ADARB2: variants seen among roughly 807,000 people sequenced by gnomAD.
The protein encoded by ADARB2 is inactive double-stranded RNA-specific editase B2.
ADARB2 carries 25 observed loss-of-function variants against 62.2 expected under a neutral mutation model. That is an observed-to-expected ratio of 0.40 (90% CI 0.29 to 0.56). The LOEUF is 0.56. ADARB2 is among the 20% of genes least tolerant of loss of function. The pLI, the probability that ADARB2 is intolerant of heterozygous loss-of-function variation, is 0.43. For missense variants in ADARB2, 1,071 were observed against 1,077.4 expected, an observed-to-expected ratio of 0.99 and a Z score of 0.08; for synonymous variants, 572 against 500.8, an observed-to-expected ratio of 1.14 and a Z score of -1.90.
chr10:1,575,773 C>G (rs1374874917), intron 1 of ADARB2, among the ~76,000 whole-genome samples: 2 of 152,174 alleles, frequency 1.3e-5, no homozygotes, highest in Non-Finnish European at 2.9e-5. Context: ...ACCGAGAGAG[C>G]CTGGCGGTTT....
At chr10:1,371,717 G>A (rs1245623474) in intron 2 of ADARB2, among the ~76,000 whole-genome samples, 1 of 151,064 alleles carries the variant, frequency 6.6e-6, no homozygotes, top group African/African-American at 2.4e-5. Flanking sequence ...ACGTCACAGG[G>A]GAAATGCAAA....
At chr10:1,259,760 A>T (rs1831115944) in intron 4 of ADARB2, among the ~76,000 whole-genome samples, 1 of 152,244 alleles carries the variant, frequency 6.6e-6, no homozygotes, top group South Asian at 2.1e-4. Flanking sequence ...AAACTATTCC[A>T]ATCAATAGAA....
chr10:1,451,056 A>T (rs1390628049), intron 1 of ADARB2, among the ~76,000 whole-genome samples: 1 of 152,236 alleles, frequency 6.6e-6, no homozygotes, highest in Non-Finnish European at 1.5e-5. Flanking sequence ...TGTGCCAACA[A>T]AACCTGGAAA....
At chr10:1,509,927 G>A (rs1212864512) in intron 1 of ADARB2, among the ~76,000 whole-genome samples, 1 of 152,152 alleles carries the variant, frequency 6.6e-6, no homozygotes, top group Non-Finnish European at 1.5e-5. Flanking sequence ...TTAAAATTAT[G>A]CTTTAATGCT....
At chr10:1,212,930 C>G (rs1837176427) in intron 7 of ADARB2, among the ~76,000 whole-genome samples, 1 of 152,242 alleles carries the variant, frequency 6.6e-6, no homozygotes, top group Non-Finnish European at 1.5e-5. Flanking sequence ...GGTCAGAACT[C>G]AGACGCAGAA....
At chr10:1,189,827 A>T (rs1836814932) in intron 8 of ADARB2, among the ~76,000 whole-genome samples, 2 of 86,226 alleles carry the variant, frequency 2.3e-5, no homozygotes, top group East Asian at 3.3e-4. Flanking sequence ...CCTTCCCCAG[A>T]ACACGTGGCG....
At chr10:1,335,901 C>T (rs1260005120) in intron 3 of ADARB2, among the ~76,000 whole-genome samples, 3 of 152,212 alleles carry the variant, frequency 2.0e-5, no homozygotes, top group Non-Finnish European at 4.4e-5. Flanking sequence ...TGTCTTCACA[C>T]TGAATTTGGA....
chr10:1,672,778 C>T (rs1233368331), intron 1 of ADARB2, among the ~76,000 whole-genome samples: 11 of 109,944 alleles, frequency 1.0e-4, no homozygotes, highest in African/African-American at 3.1e-4. Context: ...CCCTTCCTCC[C>T]TCCCTCTAAC....
chr10:1,316,686 G>T (rs1037477803), intron 3 of ADARB2, among the ~76,000 whole-genome samples: 1 of 152,128 alleles, frequency 6.6e-6, no homozygotes, highest in Admixed American at 6.5e-5. Flanking sequence ...CTATTGCTGT[G>T]CCCTCCCCAC....
intron 1 of ADARB2, among the ~76,000 whole-genome samples, chr10:1,712,070 A>G (rs1834954547): frequency 6.6e-6 from 1 of 152,244 alleles, no homozygotes; most frequent in Non-Finnish European, 1.5e-5. Flanking sequence ...GTAAAAATAC[A>G]TTTACAAATT....
intron 1 of ADARB2, among the ~76,000 whole-genome samples, chr10:1,417,746 C>T (rs1222850169): frequency 2.0e-5 from 3 of 152,178 alleles, no homozygotes; most frequent in Non-Finnish European, 4.4e-5. Context: ...CTGGACTCAG[C>T]GCCCTGCCTG....
At chr10:1,574,285 T>C (rs1261825923) in intron 1 of ADARB2, among the ~76,000 whole-genome samples, 1 of 152,102 alleles carries the variant, frequency 6.6e-6, no homozygotes, top group Non-Finnish European at 1.5e-5. Context: ...CGAACCTGCA[T>C]AGATGATGAG....
chr10:1,672,014 C>T (rs1472950012), intron 1 of ADARB2, among the ~76,000 whole-genome samples: 1 of 146,524 alleles, frequency 6.8e-6, no homozygotes, highest in Non-Finnish European at 1.5e-5. Context: ...CAGAGCCCTA[C>T]CCCATCCCCG....
At chr10:1,673,562 T>C (rs905703186) in intron 1 of ADARB2, among the ~76,000 whole-genome samples, 2 of 152,250 alleles carry the variant, frequency 1.3e-5, no homozygotes, top group Admixed American at 1.3e-4. Context: ...TTAGACCTTA[T>C]TGAAGTAGCT....
chr10:1,503,042 T>C (rs1831785027), intron 1 of ADARB2, among the ~76,000 whole-genome samples: 1 of 152,224 alleles, frequency 6.6e-6, no homozygotes, highest in Non-Finnish European at 1.5e-5. Context: ...AGATTAACCC[T>C]AAACACACGT....
chr10:1,721,921 C>T (rs1032277945), intron 1 of ADARB2, among the ~76,000 whole-genome samples: 4 of 152,152 alleles, frequency 2.6e-5, no homozygotes, highest in African/African-American at 9.7e-5. Context: ...TCCTGGTGAT[C>T]AGAGATTGAT....
intron 1 of ADARB2, among the ~76,000 whole-genome samples, chr10:1,539,659 C>T (rs2131966879): frequency 6.6e-6 from 1 of 152,370 alleles, no homozygotes; most frequent in East Asian, 1.9e-4. Context: ...TTTAAAGCGG[C>T]ATGCTCCTGT....
In ADARB2 at chr10:1,593,541, A is replaced by T. The variant is rs142054897; in HGVS notation, c.100+143510T>A. 3.6e-3 allele frequency among the ~76,000 whole-genome samples: 544 copies of T among 152,368 alleles called. 2 individuals carry two copies. The highest frequency in any genetic ancestry group is 0.013 in the African/African-American group (523 of 41,592). ...AATACAAGCAATGACAATTTTTTAA[A>T]ATTTAAATTCCTCAAGTATGGTCCA... On this transcript the variant is annotated intron_variant, in intron 1 of 9. Coordinates refer to ENST00000381312, the MANE Select transcript of ADARB2 (RefSeq NM_018702.4).
chr10:1,445,973 G>C (rs1357218878), intron 1 of ADARB2, among the ~76,000 whole-genome samples: 1 of 152,234 alleles, frequency 6.6e-6, no homozygotes, highest in Non-Finnish European at 1.5e-5. Flanking sequence ...ATAGTCCAAA[G>C]TGAGACTACA....
Sources: gnomAD v4.1 joint callset for allele counts (sites outside exome capture counted in the v4.1 genomes callset) on GRCh38, gnomAD v4.1.1 for gene constraint, MANE v1.5 for transcripts, NCBI Gene and HGNC (gene_info 2026-07-23, HGNC 2026-07-21) for gene names.